IPO8: variants seen among roughly 807,000 people sequenced by gnomAD.
IPO8 encodes the protein importin 8, also known as importin-8.
In IPO8, 65 loss-of-function variants were observed where a neutral mutation model predicts 141.2. That is an observed-to-expected ratio of 0.46 (90% CI 0.38 to 0.57). The LOEUF (loss-of-function observed/expected upper bound fraction) is 0.57. Ranked by LOEUF, IPO8 falls within the 20% of genes least tolerant of loss-of-function variation. The pLI, the probability that IPO8 is intolerant of heterozygous loss-of-function variation, is 0.00. For missense variants in IPO8, 980 were observed against 1,246.8 expected (o/e 0.79, Z 3.22); for synonymous variants, 411 against 420.3 (o/e 0.98, Z 0.27).
chr12:30,661,201 C>A lies in IPO8; in HGVS notation c.1821G>T (p.Met607Ile). ...CAATGGTATGTAAAATTCCCATAGC[C>A]ATTACTGTTTTGTCTTCAACTTCTT... is the stretch of plus-strand genomic sequence containing the variant. ...EYEEVEDKTV[M>I]AMGILHTIDT... The change falls in exon 16 of 25, where the codon ATG becomes ATT. Residue 607 changes from methionine to isoleucine, a missense_variant. By Grantham distance (10) the Met-to-Ile change is conservative. Transcript: ENST00000256079. The A allele has an allele frequency of 6.3e-7, 1 of 1,594,636 alleles. No homozygotes were observed. Among genetic ancestry groups the A allele is most frequent in the Admixed American group, 1.7e-5 (1 of 57,470 alleles).
chr12:30,646,823 C>T (rs1036160840), intron 20 of IPO8, among the ~76,000 whole-genome samples: 4 of 151,988 alleles, frequency 2.6e-5, no homozygotes, highest in African/African-American at 9.7e-5. Flanking sequence ...TTAAAGAAAA[C>T]CTAAATAAAA....
chr12:30,686,483 G>T, intron 2 of IPO8: 1 of 152,276 alleles, frequency 6.6e-6, no homozygotes, highest in Non-Finnish European at 1.5e-5. Flanking sequence ...AAGTAGTTGG[G>T]AATACAGGCG....
intron 8 of IPO8, 53 bp from the exon 9 acceptor site, chr12:30,671,149 G>A: frequency 8.0e-7 from 1 of 1,242,430 alleles, no homozygotes; most frequent in Non-Finnish European, 1.2e-6. Flanking sequence ...AGGTTAAAAG[G>A]GGGAGGTGCC....
At chr12:30,670,785 C>T (rs2053035825) in intron 9 of IPO8, among the ~76,000 whole-genome samples, 177 bp downstream of exon 9, 1 of 152,184 alleles carries the variant, frequency 6.6e-6, no homozygotes, top group African/African-American at 2.4e-5. Context: ...TCACTTTTCT[C>T]AAATGCTTAA....
At chr12:30,645,831 TAA>T (rs1219295246) in intron 20 of IPO8, among the ~76,000 whole-genome samples, 4 of 151,556 alleles carry the variant, frequency 2.6e-5, no homozygotes, top group Admixed American at 2.0e-4. Context: ...CTATAACAAA[TAA>T]AGAGACTGAA....
At chr12:30,665,010 G>A (rs1404904625) in intron 13 of IPO8, among the ~76,000 whole-genome samples, 2 of 152,312 alleles carry the variant, frequency 1.3e-5, no homozygotes, top group South Asian at 2.1e-4. Context: ...AAAGTGCTGG[G>A]ATTACAGGCA....
At chr12:30,644,949 C>T (rs1232502206) in intron 20 of IPO8, among the ~76,000 whole-genome samples, 4 of 151,692 alleles carry the variant, frequency 2.6e-5, no homozygotes, top group Admixed American at 6.6e-5. Flanking sequence ...CACTGCGCCC[C>T]GCCACAAAGA....
In IPO8 at chr12:30,661,614, CA is replaced by C. The variant is rs34097788; in HGVS notation, c.1756-349del. ...GGAATCACTTAGAAAATGAAACAAA[CA>C]AAAAAAAAAAACAGACATGGAAAAC... On this transcript the variant is annotated intron_variant, in intron 15 of 24. Transcript: ENST00000256079. Among the ~76,000 whole-genome samples the C allele has an allele frequency of 5.4e-3, 700 of 129,442 alleles. 6 individuals are homozygous for C. Among genetic ancestry groups the C allele is most frequent in the African/African-American group, 9.9e-3 (352 of 35,658 alleles). The allele number at this position is 129,442 out of a possible 152,430, so 84.9% of individuals were successfully genotyped here.
At chr12:30,668,555 C>CTA (rs2053001916) in intron 10 of IPO8, among the ~76,000 whole-genome samples, 1 of 152,182 alleles carries the variant, frequency 6.6e-6, no homozygotes, top group South Asian at 2.1e-4. Flanking sequence ...CCTGAGAAAG[C>CTA]TTCTAAGTTG....
rs1474752870 is a variant in IPO8, at chr12:30,695,302, GCAGAACAAACTGCCCTGGAGAA to G, written c.84+240_84+261del. On this transcript the variant is annotated intron_variant, in intron 1 of 24. Transcript: ENST00000256079. This position sits in a 1 kb window ranked among gnomAD's most constrained non-coding sequence, Gnocchi z 4.2. ...AAACTGCTTCTTGCGGACCAAGTAGGCAGAACAAACTGCCCTGGAGAAGGGAGACGACACGAAAAGGTGCAAA... is the reference window on the plus strand; with the variant it reads ...AAACTGCTTCTTGCGGACCAAGTAGGGGGAGACGACACGAAAAGGTGCAAA... Among the ~76,000 whole-genome samples, 1 of 152,220 alleles carries G rather than the reference GCAGAACAAACTGCCCTGGAGAA, an allele frequency of 6.6e-6. No homozygotes were observed. Among genetic ancestry groups the G allele is most frequent in the East Asian group, 1.9e-4 (1 of 5,186 alleles).
chr12:30,666,354 T>C, intron 10 of IPO8, 103 bp from the exon 11 acceptor site: 1 of 715,684 alleles, frequency 1.4e-6, no homozygotes, highest in Non-Finnish European at 2.2e-6. Context: ...AATAAAACCA[T>C]CCACATATGA....
chr12:30,660,215 T>A (rs2052866395), intron 16 of IPO8, among the ~76,000 whole-genome samples: 1 of 152,184 alleles, frequency 6.6e-6, no homozygotes, highest in Non-Finnish European at 1.5e-5. Context: ...AGAGTGAGAC[T>A]GTCTCAAAAA....
chr12:30,687,212 A>G (rs1212177193), intron 2 of IPO8, among the ~76,000 whole-genome samples: 1 of 152,206 alleles, frequency 6.6e-6, no homozygotes, highest in Non-Finnish European at 1.5e-5. Context: ...TATTTTAATA[A>G]TAGATTAAAT....
intron 17 of IPO8, 94 bp from the exon 18 acceptor site, chr12:30,653,186 C>T (rs1218693070): frequency 9.3e-6 from 10 of 1,072,160 alleles, no homozygotes; most frequent in Non-Finnish European, 1.4e-5. Flanking sequence ...CCTACGCACA[C>T]AGAGTCCTCC....
At chr12:30,679,842 T>C (rs1434961543) in intron 5 of IPO8, among the ~76,000 whole-genome samples, 1 of 152,206 alleles carries the variant, frequency 6.6e-6, no homozygotes, top group Non-Finnish European at 1.5e-5. Flanking sequence ...TGAAAACAAT[T>C]ATTCTTCCTC....
intron 21 of IPO8, among the ~76,000 whole-genome samples, chr12:30,637,564 C>T (rs770743176): frequency 6.6e-6 from 1 of 152,140 alleles, no homozygotes; most frequent in Admixed American, 6.5e-5. Context: ...ACTCTTCCAA[C>T]ATTAGATTGA....
intron 19 of IPO8, 130 bp downstream of exon 19, chr12:30,652,062 T>C (rs555042878): frequency 2.8e-5 from 15 of 528,882 alleles, no homozygotes; most frequent in African/African-American, 2.4e-4. Context: ...AAAATACAAA[T>C]GAAAAAATAT....
In IPO8 at chr12:30,674,620, C is replaced by A. The variant is rs770804895; in HGVS notation, c.824+39G>T. 3 of 1,366,104 alleles carry A rather than the reference C, an allele frequency of 2.2e-6. No individual in the cohort carries two copies. In the African/African-American group the frequency reaches 4.3e-5, roughly 19 times the overall value. 84.6% of individuals were successfully genotyped at this position (1,366,104 alleles called of 1,614,324 possible). On this transcript the variant is annotated intron_variant, in intron 7 of 24. Transcript: ENST00000256079. ...GATAATCATATCTGATACTGAGATA[C>A]TGGCTGTATGATCATCAATGTAATA...
chr12:30,652,940 A>G (rs1418371173), intron 18 of IPO8, 27 bp downstream of exon 18: 1 of 1,565,884 alleles, frequency 6.4e-7, no homozygotes, highest in Non-Finnish European at 8.6e-7. Context: ...ACAGAAAAGC[A>G]AAAATTTTAT....
Sources: gnomAD v4.1 joint callset for allele counts (sites outside exome capture counted in the v4.1 genomes callset) on GRCh38, gnomAD v4.1.1 for gene constraint, Gnocchi (gnomAD v3.1) non-coding constraint, MANE v1.5 for transcripts, NCBI Gene and HGNC (gene_info 2026-07-23, HGNC 2026-07-21) for gene names.